Variants in FLG2 observed in about 807,000 individuals in gnomAD.
FLG2 encodes filaggrin-2.
A neutral mutation model predicts 3.9 loss-of-function variants in FLG2; 7 were observed. The ratio of observed to expected loss-of-function variants is 1.79; its 90% CI spans 1.02 to 3.36. The LOEUF (loss-of-function observed/expected upper bound fraction) is 3.36. Among genes scored for constraint, FLG2 ranks in the 30% most tolerant of loss-of-function variants. FLG2 has a pLI of 0.00. For missense variants in FLG2, 2,700 were observed against 2,809.4 expected (o/e 0.96, Z 0.88); for synonymous variants, 1,031 against 1,056.1 (o/e 0.98, Z 0.46).
chr1:152,355,633 C>G lies in FLG2; in HGVS notation c.2153G>C (p.Gly718Ala). Residue 718 changes from glycine (G) to alanine (A), a missense_variant, in exon 3 of 3, where the codon GGA (glycine) becomes GCA (alanine). Coordinates refer to ENST00000388718, the MANE Select transcript of FLG2 (RefSeq NM_001014342.3). ...QHGSSSGQTS[G>A]FGQHELSSGQ... The stretch of plus-strand genomic sequence containing the variant: ...TGAGCTTAACTCGTGTTGTCCAAAT[C>G]CAGATGTCTGTCCTGAACTTGACCC... 6.2e-7 allele frequency: 1 copy of G among 1,613,532 alleles called. No homozygotes were observed. The highest frequency in any genetic ancestry group is 8.5e-7 in the Non-Finnish European group (1 of 1,179,940).
Position 152,351,331 on chromosome 1 carries a change from C to A in FLG2, c.6455G>T (p.Gly2152Val), listed in dbSNP as rs138607426. The A allele has an allele frequency of 5.1e-5, 83 of 1,612,834 alleles. No homozygotes were observed. The African/African-American group carries it at 8.9e-4, about 17-fold the overall frequency. ...GRQGTIHGQT[G>V]DTTRHGQSGH... ...AGACTGGCCATGTCTAGTGGTATCT[C>A]CTGTCTGTCCATGTATAGTTCCCTG... Residue 2152 changes from glycine to valine, a missense_variant, in exon 3 of 3, where the codon GGA becomes GTA. Physicochemically the swap from Gly to Val is moderately radical, Grantham distance 109 (BLOSUM62 -3). Coordinates refer to ENST00000388718, the MANE Select transcript of FLG2 (RefSeq NM_001014342.3).
chr1:152,357,685 C>A (rs1269431291), intron 2 of FLG2, 38 bp from the exon 3 acceptor site: 1 of 1,457,958 alleles, frequency 6.9e-7, no homozygotes, highest in Non-Finnish European at 9.4e-7. Flanking sequence ...ACCTGGTCAG[C>A]CTAACCTGCA....
chr1:152,354,182 A>T lies in FLG2; in HGVS notation c.3604T>A (p.Ser1202Thr). 6.2e-7 allele frequency: 1 copy of T among 1,614,182 alleles called. No homozygotes were observed. The highest frequency in any genetic ancestry group is 8.5e-7 in the Non-Finnish European group (1 of 1,180,016). The change falls in exon 3 of 3, where the codon TCC becomes ACC. Residue 1202 changes from serine to threonine, a missense_variant. Transcript: ENST00000388718. ...SGQHISDSGQ[S>T]TGFGQYGSGS... ...GAACCATATTGGCCAAATCCAGTGG[A>T]CTGACCTGAGTCAGATATATGTTGT...
Position 152,353,799 on chromosome 1 carries a change from A to G in FLG2, c.3987T>C (p.His1329=). ...GDTTRHGHSG[H]GQSTQTGSRT... ...TGGAACCTGTCTGTGTAGACTGTCC[A>G]TGACCAGAATGGCCATGTCTAGTGG... Residue 1329 remains histidine (H), a synonymous_variant, in exon 3 of 3, where the codon CAT becomes CAC. Transcript: ENST00000388718. 2 of 1,613,720 alleles carry G rather than the reference A, an allele frequency of 1.2e-6. No individual in the cohort carries two copies. Among genetic ancestry groups the G allele is most frequent in the African/African-American group, 1.3e-5 (1 of 74,854 alleles).
chr1:152,356,938 CTATAACCA>C lies in FLG2; in HGVS notation c.840_847del (p.Cys280TrpfsTer20). On this transcript the variant is annotated frameshift_variant, in exon 3 of 3. Transcript: ENST00000388718. LOFTEE classifies it low-confidence loss of function (END_TRUNC). ...TGGCCTTCCACACCCACTTGAATTGCTATAACCACATGCATGACTTCGCCTCCCACTGT... is the reference window on the plus strand; with the variant it reads ...TGGCCTTCCACACCCACTTGAATTGCCATGCATGACTTCGCCTCCCACTGT... 1 of 1,614,196 alleles carries C rather than the reference CTATAACCA, an allele frequency of 6.2e-7. No individual in the cohort carries two copies. The highest frequency in any genetic ancestry group is 2.2e-5 in the East Asian group (1 of 44,888).
rs1424391415 is a variant in FLG2, at chr1:152,357,214, C to T, written c.572G>A (p.Ser191Asn). ...GGAACCATGTCTGTCTTTGCCACCACTCCATGAATGACCACAGCTGGACCT... is the reference window on the plus strand; with the variant it reads ...GGAACCATGTCTGTCTTTGCCACCATTCCATGAATGACCACAGCTGGACCT... ...YHRSSCGHSW[S>N]GGKDRHGSSS... The change falls in exon 3 of 3, where the codon AGT (serine) becomes AAT (asparagine). Residue 191 changes from serine (S) to asparagine (N), a missense_variant. Coordinates refer to ENST00000388718, the MANE Select transcript of FLG2 (RefSeq NM_001014342.3). 5 of 1,614,212 alleles carry T rather than the reference C, an allele frequency of 3.1e-6. No homozygotes were observed. The highest frequency in any genetic ancestry group is 1.7e-5 in the Admixed American group (1 of 60,034).
In FLG2 at chr1:152,356,161, C is replaced by G. The variant is rs757660610; in HGVS notation, c.1625G>C (p.Ser542Thr). The change falls in exon 3 of 3, where the codon AGC (serine) becomes ACC (threonine). Residue 542 changes from serine to threonine, a missense_variant. Physicochemically the swap from Ser to Thr is moderately conservative, Grantham distance 58. Coordinates refer to ENST00000388718, the MANE Select transcript of FLG2 (RefSeq NM_001014342.3). ...TGAGCCAGAACCATGTTGGCCATAG[C>G]TAGACTGACGTGATCTAGACTCATG... ...GQHESRSRQS[S>T]YGQHGSGSSQ... The G allele has an allele frequency of 6.2e-7, 1 of 1,614,148 alleles. No homozygotes were observed.
Position 152,355,400 on chromosome 1 carries a change from G to T in FLG2, c.2386C>A (p.Gln796Lys), listed in dbSNP as rs1654172865. 3 of 1,612,906 alleles carry T rather than the reference G, an allele frequency of 1.9e-6. No homozygotes were observed. The highest frequency in any genetic ancestry group is 1.7e-4 in the Middle Eastern group (1 of 6,050). Residue 796 changes from glutamine to lysine, a missense_variant, in exon 3 of 3, where the codon CAA (glutamine) becomes AAA (lysine). Transcript: ENST00000388718. ...HGSRQTSGFG[Q>K]HGSGSSQSTG... ...GATTGACTTGAGCCTGACCCATGTTGTCCAAAGCCAGATGTCTGTCTAGAC... is the reference window on the plus strand; with the variant it reads ...GATTGACTTGAGCCTGACCCATGTTTTCCAAAGCCAGATGTCTGTCTAGAC...
chr1:152,353,185 G>T lies in FLG2; in HGVS notation c.4601C>A (p.Ser1534Tyr). The change falls in exon 3 of 3, where the codon TCC becomes TAC. Residue 1534 changes from serine to tyrosine, a missense_variant. Coordinates refer to ENST00000388718, the MANE Select transcript of FLG2 (RefSeq NM_001014342.3). ...QSGSQHGESE[S>Y]IIHDRHRITH... ...AATTCTGTGTCTGTCATGAATTATG[G>T]ATTCTGACTCTCCATGTTGAGATCC... is the stretch of plus-strand genomic sequence containing the variant. The T allele has an allele frequency of 1.2e-6, 2 of 1,613,538 alleles. No individual in the cohort carries two copies. The highest frequency in any genetic ancestry group is 1.1e-5 in the South Asian group (1 of 91,044).
rs1641359311 is a variant in FLG2, at chr1:152,353,446, T to C, written c.4340A>G (p.His1447Arg). The C allele has an allele frequency of 6.2e-7, 1 of 1,608,564 alleles. No individual in the cohort carries two copies. The highest frequency in any genetic ancestry group is 8.5e-7 in the Non-Finnish European group (1 of 1,176,434). Residue 1447 changes from histidine to arginine, a missense_variant, in exon 3 of 3, where the codon CAT becomes CGT. His to Arg is a conservative substitution (Grantham distance 29). Transcript: ENST00000388718. ...SHRPQSQEQT[H>R]GQAGSQHGES... Reference sequence around the variant, plus strand: ...TCCATGTTGAGATCCGGCTTGGCCATGAGTTTGTTCTTGTGATTGTGGTCT... The same window carrying C: ...TCCATGTTGAGATCCGGCTTGGCCACGAGTTTGTTCTTGTGATTGTGGTCT...
chr1:152,356,223 A>C lies in FLG2; in HGVS notation c.1563T>G (p.His521Gln). The change falls in exon 3 of 3, where the codon CAT becomes CAG. Residue 521 changes from histidine to glutamine, a missense_variant. Transcript: ENST00000388718. ...VSGQSSGFGQ[H>Q]GSVSGQSSGF... ...CAGAGGATTGTCCTGAGACAGACCCATGCTGTCCAAAACCAGAGGATTGTC... is the reference window on the plus strand; with the variant it reads ...CAGAGGATTGTCCTGAGACAGACCCCTGCTGTCCAAAACCAGAGGATTGTC... 1 of 1,613,676 alleles carries C rather than the reference A, an allele frequency of 6.2e-7. No individual in the cohort carries two copies. Among genetic ancestry groups the C allele is most frequent in the Non-Finnish European group, 8.5e-7 (1 of 1,179,696 alleles).
intron 1 of FLG2, among the ~76,000 whole-genome samples, chr1:152,359,529 A>G (rs1394330085): frequency 6.6e-6 from 1 of 152,202 alleles, no homozygotes; most frequent in Non-Finnish European, 1.5e-5. Context: ...TTAATCAAGA[A>G]GAAGAGCTCA....
intron 1 of FLG2, 125 bp downstream of exon 1, chr1:152,359,827 TGAAA>T (rs1275900639): frequency 6.6e-6 from 1 of 150,824 alleles, no homozygotes; most frequent in African/African-American, 2.4e-5. Flanking sequence ...GAAAAGAAAA[TGAAA>T]GAAAGAAACA....
rs748726282 is a variant in FLG2 at position 152,352,526 on chromosome 1, A to T, written c.5260T>A (p.Ser1754Thr). The change falls in exon 3 of 3, where the codon TCT (serine) becomes ACT (threonine). Residue 1754 changes from serine to threonine, a missense_variant. By Grantham distance (58) the Ser-to-Thr change is moderately conservative (BLOSUM62 1). Transcript: ENST00000388718. ...ATGGATTCTGACTCTCCATGTTGAG[A>T]TCTGGCTTGGCCATGAGTGTGTCCT... ...HSGHTHGQAR[S>T]QHGESESIVH... The T allele has an allele frequency of 1.9e-6, 3 of 1,612,120 alleles. No individual in the cohort carries two copies. Among genetic ancestry groups the T allele is most frequent in the Non-Finnish European group, 2.5e-6 (3 of 1,179,770 alleles).
At position 152,355,393 on chromosome 1, in the gene FLG2, C is replaced by T. The variant is rs372187065; in HGVS notation, c.2393G>A (p.Gly798Glu). 3.1e-6 allele frequency: 5 copies of T among 1,609,440 alleles called. No homozygotes were observed. Among genetic ancestry groups the T allele is most frequent in the African/African-American group, 2.7e-5 (2 of 73,256 alleles). ...SRQTSGFGQH[G>E]SGSSQSTGFG... is the part of the protein sequence containing the mutation. ...GCCAGTGGATTGACTTGAGCCTGAC[C>T]CATGTTGTCCAAAGCCAGATGTCTG... is the stretch of plus-strand genomic sequence containing the variant. The change falls in exon 3 of 3, where the codon GGG (glycine) becomes GAG (glutamate). Residue 798 changes from glycine to glutamate, a missense_variant. Transcript: ENST00000388718.
rs1654073664 is a variant in FLG2, at chr1:152,353,783, T to C, written c.4003A>G (p.Thr1335Ala). 4 of 1,614,014 alleles carry C rather than the reference T, an allele frequency of 2.5e-6. No individual in the cohort carries two copies. The highest frequency in any genetic ancestry group is 3.4e-6 in the Non-Finnish European group (4 of 1,180,022). ...TGTCTTCCAGATGTTCTGGAACCTG[T>C]CTGTGTAGACTGTCCATGACCAGAA... Reference protein sequence around the residue: ...GHSGHGQSTQTGSRTSGRQRF... With the variant: ...GHSGHGQSTQAGSRTSGRQRF... The change falls in exon 3 of 3, where the codon ACA becomes GCA. Residue 1335 changes from threonine (T) to alanine (A), a missense_variant. Transcript: ENST00000388718.
In FLG2 at chr1:152,352,406, T is replaced by A. The variant is rs1431262846; in HGVS notation, c.5380A>T (p.Arg1794Trp). The change falls in exon 3 of 3, where the codon AGG becomes TGG. Residue 1794 changes from arginine to tryptophan, a missense_variant. Arg to Trp is a moderately radical substitution (Grantham distance 101, BLOSUM62 -3). Coordinates refer to ENST00000388718, the MANE Select transcript of FLG2 (RefSeq NM_001014342.3). ...CCAGATGACCTTCTTCCAGTGGTCC[T>A]GGACCCTGTCTGTGTGGACTGTCCA... ...GHGQSTQTGS[R>W]TTGRRSSGHS... The A allele has an allele frequency of 6.2e-7, 1 of 1,614,060 alleles. No individual in the cohort carries two copies. The highest frequency in any genetic ancestry group is 8.5e-7 in the Non-Finnish European group (1 of 1,179,988).
chr1:152,357,203 C>A lies in FLG2; in HGVS notation c.583G>T (p.Asp195Tyr). ...SCGHSWSGGK[D>Y]RHGSSSVELR... ...TCTACAGAGCTGGAACCATGTCTGTCTTTGCCACCACTCCATGAATGACCA... is the reference window on the plus strand; with the variant it reads ...TCTACAGAGCTGGAACCATGTCTGTATTTGCCACCACTCCATGAATGACCA... Residue 195 changes from aspartate (D) to tyrosine (Y), a missense_variant, in exon 3 of 3, where the codon GAC (aspartate) becomes TAC (tyrosine). Asp to Tyr is a radical substitution (Grantham distance 160, BLOSUM62 -3). Transcript: ENST00000388718. The A allele has an allele frequency of 6.2e-7, 1 of 1,614,172 alleles. No individual in the cohort carries two copies.
Position 152,356,280 on chromosome 1 carries a change from G to C in FLG2, c.1506C>G (p.Ser502=). The part of the protein sequence containing the change: ...FGQCGSGSGQ[S]SGFGQHGSVS... ...CAGACCCATGCTGTCCAAAGCCAGAGGACTGACCTGAGCCTGACCCACATT... is the reference window on the plus strand; with the variant it reads ...CAGACCCATGCTGTCCAAAGCCAGACGACTGACCTGAGCCTGACCCACATT... Residue 502 remains serine, a synonymous_variant, in exon 3 of 3, where the codon TCC becomes TCG. Transcript: ENST00000388718. 1 of 1,613,602 alleles carries C rather than the reference G, an allele frequency of 6.2e-7. No individual in the cohort carries two copies. Among genetic ancestry groups the C allele is most frequent in the Non-Finnish European group, 8.5e-7 (1 of 1,179,980 alleles).
Sources: allele counts gnomAD v4.1 joint callset (sites outside exome capture counted in the v4.1 genomes callset), GRCh38; gene constraint gnomAD v4.1.1; transcripts MANE v1.5; gene names NCBI Gene and HGNC (gene_info 2026-07-23, HGNC 2026-07-21).